The following NR1H4 variants were observed in gnomAD, a reference collection of about 807,000 sequenced individuals.
NR1H4 encodes the protein bile acid receptor.
Under a neutral mutation model 58.5 loss-of-function variants are expected in NR1H4, and 23 were observed. That is an observed-to-expected ratio of 0.39 (90% CI 0.28 to 0.56). The LOEUF is 0.56. NR1H4 is among the 20% of genes least tolerant of loss of function. NR1H4 has a pLI of 0.58. For synonymous variants in NR1H4, 214 were observed against 198.0 expected (o/e 1.08, Z -0.68); for missense variants, 487 against 576.9 (o/e 0.84, Z 1.60).
chr12:100,553,459 T>C (rs1245336608), intron 9 of NR1H4, among the ~76,000 whole-genome samples: 1 of 152,198 alleles, frequency 6.6e-6, no homozygotes, highest in Admixed American at 6.5e-5. Context: ...AATTTGAACT[T>C]GGCCTTGAAC....
At chr12:100,493,713 A>G (rs1219746571) in intron 3 of NR1H4, among the ~76,000 whole-genome samples, 1 of 152,216 alleles carries the variant, frequency 6.6e-6, no homozygotes, top group African/African-American at 2.4e-5. Flanking sequence ...TTCCAATATT[A>G]TTATAGCAGG....
chr12:100,514,314 A>C (rs151192956), intron 4 of NR1H4, among the ~76,000 whole-genome samples: 3 of 152,338 alleles, frequency 2.0e-5, no homozygotes, highest in African/African-American at 4.8e-5. Context: ...TATTTATAAT[A>C]TTCTAATCTG....
At chr12:100,503,213 T>C in intron 3 of NR1H4, 1 of 705,832 alleles carries the variant, frequency 1.4e-6, no homozygotes, top group African/African-American at 1.8e-5. Context: ...TCCCCCAAAA[T>C]GTTTATCTAA....
chr12:100,539,535 C>T (rs79609451), intron 8 of NR1H4, among the ~76,000 whole-genome samples: 6,817 of 152,172 alleles, frequency 0.045, 343 homozygotes, highest in African/African-American at 0.12. Flanking sequence ...TAGTTCTTCC[C>T]AAGCCATTTA....
chr12:100,493,225 C>A (rs774501447), intron 2 of NR1H4, 45 bp from the exon 3 acceptor site: 7 of 720,790 alleles, frequency 9.7e-6, no homozygotes, highest in African/African-American at 1.7e-5. Flanking sequence ...CCTAACCAAC[C>A]CTTCCCGCAT....
At chr12:100,546,557 TG>T (rs1955074819) in intron 9 of NR1H4, among the ~76,000 whole-genome samples, 1 of 152,042 alleles carries the variant, frequency 6.6e-6, no homozygotes, top group African/African-American at 2.4e-5. Context: ...TAGCCTGGCG[TG>T]GTGGCAGGCA....
Position 100,545,888 on chromosome 12 carries a change from G to A in NR1H4, c.1078+5070G>A, listed in dbSNP as rs150505632. On this transcript the variant is annotated intron_variant, in intron 9 of 10. Coordinates refer to ENST00000392986, the MANE Select transcript of NR1H4 (RefSeq NM_001206979.2). ...AGGGGGAGGAAGCAGGTGGAGTCCA[G>A]GAGACTGTACACTACTATGCTGATC... Among the ~76,000 whole-genome samples, 1,253 of 152,146 alleles carry A rather than the reference G, an allele frequency of 8.2e-3. 16 individuals are homozygous for A. Among genetic ancestry groups the A allele is most frequent in the Middle Eastern group, 0.02 (6 of 294 alleles).
At chr12:100,536,831 T>C (rs983960325) in intron 7 of NR1H4, 117 bp from the exon 8 acceptor site, 2 of 708,850 alleles carry the variant, frequency 2.8e-6, no homozygotes, top group Admixed American at 2.7e-5. Context: ...ATCTGAGAAA[T>C]AGTAAGATGG....
chr12:100,531,592 C>CT (rs1954694653), intron 4 of NR1H4, among the ~76,000 whole-genome samples: 1 of 152,226 alleles, frequency 6.6e-6, no homozygotes, highest in Admixed American at 6.5e-5. Context: ...AGGCGAGTAA[C>CT]TGCCTTCCTG....
intron 10 of NR1H4, 108 bp from the exon 11 acceptor site, chr12:100,563,143 G>A (rs367740577): frequency 3.2e-5 from 28 of 864,102 alleles, no homozygotes; most frequent in South Asian, 8.9e-5. Context: ...CACATTTTGT[G>A]TACAACATTT....
At chr12:100,537,368 ATTCT>A (rs997620694) in intron 8 of NR1H4, among the ~76,000 whole-genome samples, 1 of 152,250 alleles carries the variant, frequency 6.6e-6, no homozygotes, top group Non-Finnish European at 1.5e-5. Flanking sequence ...ATGTATAATA[ATTCT>A]TTCAAATCAA....
chr12:100,485,149 G>A (rs527996994), intron 1 of NR1H4, among the ~76,000 whole-genome samples: 1 of 152,226 alleles, frequency 6.6e-6, no homozygotes, highest in Non-Finnish European at 1.5e-5. Flanking sequence ...CTGAATATGG[G>A]GCTCATTACT....
intron 9 of NR1H4, among the ~76,000 whole-genome samples, chr12:100,560,078 T>C (rs1041780946): frequency 2.6e-5 from 4 of 152,146 alleles, no homozygotes; most frequent in African/African-American, 7.2e-5. Context: ...ACTCTGTATC[T>C]AGCTGCTCTG....
At position 100,557,562 on chromosome 12, in the gene NR1H4, T is replaced by C. The variant is rs866108606; in HGVS notation, c.1079-4323T>C. Among the ~76,000 whole-genome samples, 4 of 152,238 alleles carry C rather than the reference T, an allele frequency of 2.6e-5. No individual in the cohort carries two copies. The South Asian group carries it at 8.3e-4, about 31-fold the overall frequency. ...CATCCCTCATCCAAATAGTGAACATTGTACCCAATAGGTAATCTTTCAACC... is the reference window on the plus strand; with the variant it reads ...CATCCCTCATCCAAATAGTGAACATCGTACCCAATAGGTAATCTTTCAACC... On this transcript the variant is annotated intron_variant, in intron 9 of 10. Coordinates refer to ENST00000392986, the MANE Select transcript of NR1H4 (RefSeq NM_001206979.2).
chr12:100,531,821 C>T (rs1246035410), intron 4 of NR1H4, among the ~76,000 whole-genome samples: 2 of 152,102 alleles, frequency 1.3e-5, no homozygotes, highest in African/African-American at 4.8e-5. Context: ...GAGATGGTTG[C>T]TTTTAGCTCA....
chr12:100,543,975 G>A lies in NR1H4; in HGVS notation c.1078+3157G>A, dbSNP rs150381389. Among the ~76,000 whole-genome samples, 329 of 152,198 alleles carry A rather than the reference G, an allele frequency of 2.2e-3. 2 individuals are homozygous for A. Among genetic ancestry groups the A allele is most frequent in the Admixed American group, 3.7e-3 (56 of 15,274 alleles). On this transcript the variant is annotated intron_variant, in intron 9 of 10. Coordinates refer to ENST00000392986, the MANE Select transcript of NR1H4 (RefSeq NM_001206979.2). ...CCCTTTAAGAAAATCCCAGTTGGCC[G>A]GGTGCGGTGGCTCACGCCTCTAATC...
intron 4 of NR1H4, among the ~76,000 whole-genome samples, chr12:100,520,477 A>T (rs1015829261): frequency 6.6e-6 from 1 of 152,172 alleles, no homozygotes; most frequent in African/African-American, 2.4e-5. Flanking sequence ...AAAATCAAGA[A>T]GATGGGGACT....
Position 100,538,688 on chromosome 12 carries a change from T to C in NR1H4, c.931+1641T>C, listed in dbSNP as rs190060919. Among the ~76,000 whole-genome samples the C allele has an allele frequency of 5.3e-5, 8 of 152,362 alleles. No individual in the cohort carries two copies. In the East Asian group the frequency reaches 1.5e-3, roughly 29 times the overall value. On this transcript the variant is annotated intron_variant, in intron 8 of 10. Transcript: ENST00000392986. ...AGCATAATACTATAATATTAAATTA[T>C]AGAAGATAACTTCTGACATAGGATT...
chr12:100,549,022 A>G (rs1362897411), intron 9 of NR1H4, among the ~76,000 whole-genome samples: 1 of 152,042 alleles, frequency 6.6e-6, no homozygotes, highest in African/African-American at 2.4e-5. Context: ...TTGGTCCAGT[A>G]TGGCTCCCCA....
Sources: gnomAD v4.1 joint callset for allele counts (sites outside exome capture counted in the v4.1 genomes callset) on GRCh38, gnomAD v4.1.1 for gene constraint, MANE v1.5 for transcripts, NCBI Gene and HGNC (gene_info 2026-07-23, HGNC 2026-07-21) for gene names.